The following HLA-DPB1 variants were observed in gnomAD, a reference collection of about 807,000 sequenced individuals.
HLA-DPB1 encodes HLA class II histocompatibility antigen, DP beta 1 chain.
A neutral mutation model predicts 29.4 loss-of-function variants in HLA-DPB1; 30 were observed. The ratio of observed to expected loss-of-function variants is 1.02; its 90% CI spans 0.76 to 1.38. The LOEUF (loss-of-function observed/expected upper bound fraction) is 1.38. Ranked by LOEUF, HLA-DPB1 falls within the 40% of genes most tolerant of loss-of-function variation. HLA-DPB1 has a pLI of 0.00. For synonymous variants in HLA-DPB1, 114 were observed against 134.0 expected, an observed-to-expected ratio of 0.85 and a Z score of 1.03; for missense variants, 261 against 327.5, an observed-to-expected ratio of 0.80 and a Z score of 1.57.
At position 33,087,969 on chromosome 6, in the gene HLA-DPB1, A is replaced by T. The variant is rs1763188687; in HGVS notation, c.*1435A>T. Among the ~76,000 whole-genome samples, 1 of 152,166 alleles carries T rather than the reference A, an allele frequency of 6.6e-6. No individual in the cohort carries two copies. The highest frequency in any genetic ancestry group is 1.5e-5 in the Non-Finnish European group (1 of 68,030). On this transcript the variant is annotated 3_prime_UTR_variant, in exon 6 of 6. Transcript: ENST00000418931. ...CCCTGATCAGCCTCATTTCCTCAAAAACTATAAAGGAAAATGCTGCTGACT... is the reference window on the plus strand; with the variant it reads ...CCCTGATCAGCCTCATTTCCTCAAATACTATAAAGGAAAATGCTGCTGACT...
chr6:33,087,546 C>T lies in HLA-DPB1; in HGVS notation c.*1012C>T, dbSNP rs9277545. ...ATGGATTCTTCACTCCTGATACACA[C>T]AATCAGTGCACAGCAGCTCTCTTAT... is the stretch of plus-strand genomic sequence containing the variant. On this transcript the variant is annotated 3_prime_UTR_variant, in exon 6 of 6. Coordinates refer to ENST00000418931, the MANE Select transcript of HLA-DPB1 (RefSeq NM_002121.6). 0.33 allele frequency among the ~76,000 whole-genome samples: 49,439 copies of T among 151,808 alleles called. 9,037 individuals are homozygous for T. The highest frequency in any genetic ancestry group is 0.56 in the East Asian group (2,896 of 5,148).
In HLA-DPB1 at chr6:33,084,328, C is replaced by A. The variant is rs528070417; in HGVS notation, c.365-622C>A. On this transcript the variant is annotated intron_variant, in intron 2 of 5. Coordinates refer to ENST00000418931, the MANE Select transcript of HLA-DPB1 (RefSeq NM_002121.6). ...ACAGAGTGCAAACTCTGTCTCCCTG[C>A]CATTCCGCTATATACTTACTAACTA... Among the ~76,000 whole-genome samples, 60 of 152,306 alleles carry A rather than the reference C, an allele frequency of 3.9e-4. 1 individual carries two copies. The South Asian group carries it at 0.011, about 29-fold the overall frequency.
Position 33,086,634 on chromosome 6 carries a change from A to AG in HLA-DPB1, c.*100_*101insG. The AG allele has an allele frequency of 2.0e-6, 1 of 506,302 alleles. No individual in the cohort carries two copies. The highest frequency in any genetic ancestry group is 3.9e-6 in the Non-Finnish European group (1 of 257,540). 31.4% of individuals were successfully genotyped at this position (506,302 alleles called of 1,614,324 possible). ...CTCCAGGACAGACCTTCAACTTCCAAATTGGATACTGCTGCCAAGAAGTTG... is the reference window on the plus strand; with the variant it reads ...CTCCAGGACAGACCTTCAACTTCCAAGATTGGATACTGCTGCCAAGAAGTTG... On this transcript the variant is annotated 3_prime_UTR_variant, in exon 6 of 6. Coordinates refer to ENST00000418931, the MANE Select transcript of HLA-DPB1 (RefSeq NM_002121.6).
chr6:33,077,824 A>AGGGT (rs1274731926), intron 1 of HLA-DPB1, among the ~76,000 whole-genome samples: 2 of 152,158 alleles, frequency 1.3e-5, no homozygotes, highest in Non-Finnish European at 2.9e-5. Context: ...TCAGGGTAGC[A>AGGGT]AGGTTGGAAT....
At chr6:33,086,449 T>C in intron 5 of HLA-DPB1, 90 bp from the exon 6 acceptor site, 2 of 707,510 alleles carry the variant, frequency 2.8e-6, no homozygotes, top group South Asian at 3.0e-5. Context: ...TTTATCAGCC[T>C]GAGACGCATC....
rs1177167346 is a variant in HLA-DPB1 at position 33,086,615 on chromosome 6, G to A, written c.*81G>A. 39 of 524,938 alleles carry A rather than the reference G, an allele frequency of 7.4e-5. No homozygotes were observed. The highest frequency in any genetic ancestry group is 6.3e-4 in the South Asian group (39 of 61,584). 32.5% of individuals were successfully genotyped at this position (524,938 alleles called of 1,614,324 possible). On this transcript the variant is annotated 3_prime_UTR_variant, in exon 6 of 6. Transcript: ENST00000418931. ...GTGTTTCGTTAGCATCTGGCTCCAG[G>A]ACAGACCTTCAACTTCCAAATTGGA...
chr6:33,083,022 TC>T lies in HLA-DPB1; in HGVS notation c.365-1925del, dbSNP rs1422657550. On this transcript the variant is annotated intron_variant, in intron 2 of 5. Transcript: ENST00000418931. ...CAAGTATTCCCCCTGATTTCATGGT[TC>T]CCAGAAGCTCTATGGGGAAGAAATT... 5.3e-5 allele frequency among the ~76,000 whole-genome samples: 8 copies of T among 152,332 alleles called. No individual in the cohort carries two copies. The East Asian group carries it at 1.5e-3, about 29-fold the overall frequency.
intron 1 of HLA-DPB1, among the ~76,000 whole-genome samples, chr6:33,078,541 A>G (rs1454829490): frequency 6.6e-6 from 1 of 152,164 alleles, no homozygotes; most frequent in Non-Finnish European, 1.5e-5. Context: ...TAAGAGACGA[A>G]TTCATTCAGA....
rs1426701045 is a variant in HLA-DPB1 at position 33,086,118 on chromosome 6, T to C, written c.758-101T>C. Reference sequence around the variant, plus strand: ...TACTCAGGCTCCTGCGGAGCGTCCATTGAGTGATGGGCAATGGAATTTGGT... The same window carrying C: ...TACTCAGGCTCCTGCGGAGCGTCCACTGAGTGATGGGCAATGGAATTTGGT... On this transcript the variant is annotated intron_variant, in intron 4 of 5. Coordinates refer to ENST00000418931, the MANE Select transcript of HLA-DPB1 (RefSeq NM_002121.6). The C allele has an allele frequency of 1.6e-5, 18 of 1,107,138 alleles. 1 individual carries two copies. The highest frequency in any genetic ancestry group is 8.5e-5 in the Admixed American group (5 of 59,096). The allele number at this position is 1,107,138 out of a possible 1,614,324, so 68.6% of individuals were successfully genotyped here.
chr6:33,086,227 G>T lies in HLA-DPB1; in HGVS notation c.766G>T (p.Gly256Ter). ...MHRRSKKVQR[G>*]SA ...TTCGTCTTTCATTTCAGTTCAACGAGGATCTGCATAAACAGGTAATATTCC... is the reference window on the plus strand; with the variant it reads ...TTCGTCTTTCATTTCAGTTCAACGATGATCTGCATAAACAGGTAATATTCC... The change falls in exon 5 of 6, where the codon GGA becomes TGA. Residue 256 changes from glycine to a stop codon, truncating the protein, a stop_gained. Transcript: ENST00000418931. LOFTEE classifies it high-confidence loss of function. 6.3e-7 allele frequency: 1 copy of T among 1,582,640 alleles called. No homozygotes were observed. Among genetic ancestry groups the T allele is most frequent in the Non-Finnish European group, 8.7e-7 (1 of 1,153,830 alleles).
chr6:33,078,781 A>G (rs1214484286), intron 1 of HLA-DPB1, among the ~76,000 whole-genome samples: 1 of 152,244 alleles, frequency 6.6e-6, no homozygotes, highest in East Asian at 1.9e-4. Flanking sequence ...AAAAAATTCA[A>G]AATTCTTATT....
chr6:33,086,813 C>A lies in HLA-DPB1; in HGVS notation c.*279C>A. 3.0e-6 allele frequency: 1 copy of A among 333,126 alleles called. No homozygotes were observed. The highest frequency in any genetic ancestry group is 6.0e-6 in the Non-Finnish European group (1 of 166,322). 20.6% of individuals were successfully genotyped at this position (333,126 alleles called of 1,614,324 possible). On this transcript the variant is annotated 3_prime_UTR_variant, in exon 6 of 6. Coordinates refer to ENST00000418931, the MANE Select transcript of HLA-DPB1 (RefSeq NM_002121.6). Reference sequence around the variant, plus strand: ...TTTAAAAATATGCACCAAATCATCTCTCATCACTTTTCTCTGAGGGTTTTA... The same window carrying A: ...TTTAAAAATATGCACCAAATCATCTATCATCACTTTTCTCTGAGGGTTTTA...
intron 4 of HLA-DPB1, 68 bp from the exon 5 acceptor site, chr6:33,086,151 A>T: frequency 7.4e-7 from 1 of 1,349,110 alleles, no homozygotes; most frequent in Non-Finnish European, 1.1e-6. Context: ...GGTGGGATGG[A>T]AATGTTTCTC....
chr6:33,086,308 T>C, intron 5 of HLA-DPB1, 66 bp downstream of exon 5: 1 of 1,216,900 alleles, frequency 8.2e-7, no homozygotes, highest in Non-Finnish European at 1.2e-6. Flanking sequence ...TTTCTGTGCA[T>C]TGTAACACTG....
Position 33,080,134 on chromosome 6 carries a change from A to G in HLA-DPB1, c.101-538A>G, listed in dbSNP as rs752074430. On this transcript the variant is annotated intron_variant, in intron 1 of 5. Transcript: ENST00000418931. This position sits in a 1 kb window ranked among gnomAD's most constrained non-coding sequence, Gnocchi z 4.3. ...CTACATCTCCTACATGCAAAACAAC[A>G]GGAGCAAGTTGAGGAATTCTCAAGA... 1.3e-5 allele frequency among the ~76,000 whole-genome samples: 2 copies of G among 152,204 alleles called. No homozygotes were observed. The highest frequency in any genetic ancestry group is 2.9e-5 in the Non-Finnish European group (2 of 68,030).
chr6:33,085,011 T>C lies in HLA-DPB1; in HGVS notation c.426T>C (p.Leu142=). The part of the protein sequence containing the change: ...KKGPLQHHNL[L]VCHVTDFYPG... ...GGCCCTTGCAGCACCACAACCTGCT[T>C]GTCTGCCACGTGACGGATTTCTACC... Residue 142 remains leucine, a synonymous_variant, in exon 3 of 6, where the codon CTT becomes CTC. Transcript: ENST00000418931. 1 of 1,612,402 alleles carries C rather than the reference T, an allele frequency of 6.2e-7. No homozygotes were observed. Among genetic ancestry groups the C allele is most frequent in the South Asian group, 1.1e-5 (1 of 91,070 alleles).
intron 2 of HLA-DPB1, 87 bp downstream of exon 2, chr6:33,081,022 A>T: frequency 7.2e-7 from 1 of 1,393,590 alleles, no homozygotes; most frequent in Non-Finnish European, 9.5e-7. Flanking sequence ...GGCCTAAGGG[A>T]CCTTAGTGCC....
rs552290773 is a variant in HLA-DPB1 at position 33,084,290 on chromosome 6, T to C, written c.365-660T>C. Among the ~76,000 whole-genome samples, 716 of 152,340 alleles carry C rather than the reference T, an allele frequency of 4.7e-3. 2 individuals are homozygous for C. The highest frequency in any genetic ancestry group is 0.016 in the African/African-American group (680 of 41,566). On this transcript the variant is annotated intron_variant, in intron 2 of 5. Coordinates refer to ENST00000418931, the MANE Select transcript of HLA-DPB1 (RefSeq NM_002121.6). ...CCAAATTACTTTTGGTTAAAATTTC[T>C]CCTAAATGTGCTACAGAGTGCAAAC...
At position 33,087,353 on chromosome 6, in the gene HLA-DPB1, C is replaced by T. The variant is rs1299248012; in HGVS notation, c.*819C>T. ...AATTTTCATACAGACAGAAATGACT[C>T]CCCACTGGGGAAAGAGCAAAGCAAT... On this transcript the variant is annotated 3_prime_UTR_variant, in exon 6 of 6. Coordinates refer to ENST00000418931, the MANE Select transcript of HLA-DPB1 (RefSeq NM_002121.6). Among the ~76,000 whole-genome samples, 1 of 151,984 alleles carries T rather than the reference C, an allele frequency of 6.6e-6. No individual in the cohort carries two copies. Among genetic ancestry groups the T allele is most frequent in the Non-Finnish European group, 1.5e-5 (1 of 67,942 alleles).
Sources: gnomAD v4.1 joint callset for allele counts (sites outside exome capture counted in the v4.1 genomes callset) on GRCh38, gnomAD v4.1.1 for gene constraint, Gnocchi (gnomAD v3.1) non-coding constraint, MANE v1.5 for transcripts, NCBI Gene and HGNC (gene_info 2026-07-23, HGNC 2026-07-21) for gene names.